Variants in TPP1 observed in about 807,000 individuals in gnomAD.
The protein encoded by TPP1 is tripeptidyl-peptidase 1.
Under a neutral mutation model 67.6 loss-of-function variants are expected in TPP1, and 43 were observed. That is an observed-to-expected ratio of 0.64 (90% confidence interval 0.50 to 0.82). TPP1 has a LOEUF of 0.82. Among genes scored for constraint, TPP1 ranks in the 40% least tolerant of loss-of-function variants. TPP1 has a pLI of 0.00. For synonymous variants in TPP1, 272 were observed against 281.5 expected, an observed-to-expected ratio of 0.97 and a Z score of 0.34; for missense variants, 671 against 710.9, an observed-to-expected ratio of 0.94 and a Z score of 0.64.
chr11:6,616,549 G>A (rs778085068), intron 7 of TPP1, 46 bp from the exon 8 acceptor site: 2 of 1,585,070 alleles, frequency 1.3e-6, no homozygotes, highest in South Asian at 1.1e-5. Flanking sequence ...CACAAAGATA[G>A]TCACTGGGGG....
At position 6,616,447 on chromosome 11, in the gene TPP1, A is replaced by C; in HGVS notation, c.943T>G (p.Ser315Ala). Residue 315 changes from serine to alanine, a missense_variant, in exon 8 of 13, where the codon TCA (serine) becomes GCA (alanine). Ser to Ala is a moderately conservative substitution (Grantham distance 99, BLOSUM62 1). Coordinates refer to ENST00000299427, the MANE Select transcript of TPP1 (RefSeq NM_000391.4). Reference sequence around the variant, plus strand: ...ACAGTATGCACATGTGGCAGGGCTGACTCATTACTGAGCAGCATGAGCCAC... The same window carrying C: ...ACAGTATGCACATGTGGCAGGGCTGCCTCATTACTGAGCAGCATGAGCCAC... The part of the protein sequence containing the change: ...LQWLMLLSNE[S>A]ALPHVHTVSY... 2 of 1,611,784 alleles carry C rather than the reference A, an allele frequency of 1.2e-6. No individual in the cohort carries two copies. Among genetic ancestry groups the C allele is most frequent in the Non-Finnish European group, 8.5e-7 (1 of 1,179,820 alleles).
chr11:6,616,161 A>C, intron 8 of TPP1, 87 bp from the exon 9 acceptor site: 1 of 1,586,828 alleles, frequency 6.3e-7, no homozygotes, highest in Non-Finnish European at 8.6e-7. Flanking sequence ...TTGTTACTGT[A>C]GGAGGTCAGA....
In TPP1 at chr11:6,615,294, G is replaced by A. The variant is rs1176517419; in HGVS notation, c.1302C>T (p.Pro434=). 8.7e-6 allele frequency: 14 copies of A among 1,614,058 alleles called. No individual in the cohort carries two copies. Among genetic ancestry groups the A allele is most frequent in the Non-Finnish European group, 1.2e-5 (14 of 1,180,036 alleles). ...EAVTKFLSSS[P]HLPPSSYFNA... ...TGAAGTAACTGGATGGTGGCAGGTG[G>A]GGGCTAGAGCTCAGGAACTTCGTTA... The change falls in exon 11 of 13, where the codon CCC becomes CCT. Residue 434 remains proline, a synonymous_variant. Transcript: ENST00000299427.
Position 6,617,484 on chromosome 11 carries a change from T to G in TPP1, c.381-56A>C. ...TCAAAACGGAACAGAAGAAGCTACC[T>G]CTGAGCATCCCTGGGCAGTCAGTCA... On this transcript the variant is annotated intron_variant, in intron 4 of 12. Coordinates refer to ENST00000299427, the MANE Select transcript of TPP1 (RefSeq NM_000391.4). The G allele has an allele frequency of 1.9e-6, 3 of 1,613,790 alleles. No individual in the cohort carries two copies. The South Asian group carries it at 3.3e-5, about 18-fold the overall frequency.
At chr11:6,619,083 A>G in intron 2 of TPP1, 113 bp downstream of exon 2, 1 of 1,475,424 alleles carries the variant, frequency 6.8e-7, no homozygotes, top group Non-Finnish European at 9.4e-7. Flanking sequence ...ATAGAGATGA[A>G]GCTATGGAGT....
chr11:6,617,466 G>T, intron 4 of TPP1, 38 bp from the exon 5 acceptor site: 1 of 1,614,014 alleles, frequency 6.2e-7, no homozygotes, highest in Non-Finnish European at 8.5e-7. Flanking sequence ...AGCTCAAAAC[G>T]GAACAGAAGA....
chr11:6,619,023 A>T, intron 2 of TPP1, 108 bp from the exon 3 acceptor site: 1 of 1,533,470 alleles, frequency 6.5e-7, no homozygotes, highest in South Asian at 1.1e-5. Context: ...GGATCCTAGG[A>T]GCAGATACAG....
rs1053573712 is a variant in TPP1 at position 6,613,783 on chromosome 11, A to G, written c.*763T>C. On this transcript the variant is annotated 3_prime_UTR_variant, in exon 13 of 13. Transcript: ENST00000299427. ...AAAAGCATAGCATCATTTACCAAGA[A>G]GAAACGAGATGGAATTGTTTGGGGT... The G allele has an allele frequency of 8.5e-5, 13 of 152,766 alleles. No homozygotes were observed. The highest frequency in any genetic ancestry group is 3.1e-4 in the African/African-American group (13 of 41,466). The allele number at this position is 152,766 out of a possible 1,614,324, so 9.5% of individuals were successfully genotyped here.
intron 2 of TPP1, 64 bp from the exon 3 acceptor site, chr11:6,618,979 G>A (rs187203863): frequency 6.2e-7 from 1 of 1,602,888 alleles, no homozygotes; most frequent in Non-Finnish European, 8.5e-7. Context: ...ATTGGTCATG[G>A]AAGGTTCCAG....
Position 6,616,825 on chromosome 11 carries a change from G to T in TPP1, c.722C>A (p.Ala241Asp). ...GCCACCGAAGAGGCGCATGAACTGA[G>T]CCAGGTCTGAGTCATGGAAATACTG... ...LEQYFHDSDL[A>D]QFMRLFGGNF... Residue 241 changes from alanine to aspartate, a missense_variant, in exon 7 of 13, where the codon GCT becomes GAT. Transcript: ENST00000299427. 1 of 1,613,842 alleles carries T rather than the reference G, an allele frequency of 6.2e-7. No homozygotes were observed. Among genetic ancestry groups the T allele is most frequent in the Non-Finnish European group, 8.5e-7 (1 of 1,180,012 alleles).
rs886250996 is a variant in TPP1 at position 6,617,728 on chromosome 11, G to T, written c.278C>A (p.Pro93Gln). 1 of 1,614,226 alleles carries T rather than the reference G, an allele frequency of 6.2e-7. No individual in the cohort carries two copies. The highest frequency in any genetic ancestry group is 1.3e-5 in the African/African-American group (1 of 75,064). The part of the protein sequence containing the change: ...ENVADLVRPS[P>Q]LTLHTVQKWL... ...TTTTTGCACCGTGTGGAGGGTCAGT[G>T]GGGATGGCCTCACCAGATCAGCCAC... Residue 93 changes from proline (P) to glutamine (Q), a missense_variant, in exon 4 of 13, where the codon CCA becomes CAA. Pro to Gln is a moderately conservative substitution (Grantham distance 76, BLOSUM62 -1). Transcript: ENST00000299427.
chr11:6,613,788 C>T lies in TPP1; in HGVS notation c.*758G>A, dbSNP rs891894253. ...CATAGCATCATTTACCAAGAAGAAA[C>T]GAGATGGAATTGTTTGGGGTTGGGA... On this transcript the variant is annotated 3_prime_UTR_variant, in exon 13 of 13. Transcript: ENST00000299427. The T allele has an allele frequency of 1.3e-5, 2 of 152,554 alleles. No individual in the cohort carries two copies. Among genetic ancestry groups the T allele is most frequent in the African/African-American group, 2.4e-5 (1 of 41,372 alleles). 9.5% of individuals were successfully genotyped at this position (152,554 alleles called of 1,614,324 possible).
At position 6,614,958 on chromosome 11, in the gene TPP1, A is replaced by T; in HGVS notation, c.1459T>A (p.Leu487Met). 6.2e-7 allele frequency: 1 copy of T among 1,614,164 alleles called. No individual in the cohort carries two copies. Among genetic ancestry groups the T allele is most frequent in the East Asian group, 2.2e-5 (1 of 44,876 alleles). ...STPVFGGILS[L>M]INEHRILSGR... The stretch of plus-strand genomic sequence containing the variant: ...CTAAGGATCCTGTGCTCATTGATCA[A>T]GGATAGGATCCCCCCAAACACTGGA... Residue 487 changes from leucine (L) to methionine (M), a missense_variant, in exon 12 of 13, where the codon TTG becomes ATG. Physicochemically the swap from Leu to Met is conservative, Grantham distance 15 (BLOSUM62 2). Transcript: ENST00000299427.
chr11:6,616,243 G>C, intron 8 of TPP1, 72 bp downstream of exon 8: 1 of 1,605,936 alleles, frequency 6.2e-7, no homozygotes, highest in Non-Finnish European at 8.5e-7. Flanking sequence ...CCAGGCTCAG[G>C]GATCACTGTG....
chr11:6,619,139 C>T, intron 2 of TPP1, 57 bp downstream of exon 2: 1 of 1,599,140 alleles, frequency 6.3e-7, no homozygotes, highest in Admixed American at 1.7e-5. Context: ...AGGACCAGGA[C>T]AGTGGGAGGC....
Position 6,614,708 on chromosome 11 carries a change from G to C in TPP1, c.1552-22C>G, listed in dbSNP as rs376263751. ...TTACCTAGGGAGGAGGCTGGCATCA[G>C]ATCTGGGCCTACTAGTACCAGTACT... On this transcript the variant is annotated intron_variant, in intron 12 of 12. Coordinates refer to ENST00000299427, the MANE Select transcript of TPP1 (RefSeq NM_000391.4). The C allele has an allele frequency of 1.7e-5, 28 of 1,614,010 alleles. No homozygotes were observed. In the African/African-American group the frequency reaches 2.5e-4, roughly 15 times the overall value.
At chr11:6,618,342 A>G (rs546276945) in intron 3 of TPP1, 10 of 362,524 alleles carry the variant, frequency 2.8e-5, no homozygotes, top group Non-Finnish European at 3.6e-5. Context: ...AGAGTGGGGG[A>G]GTACAGTGAG....
chr11:6,619,341 C>G, intron 1 of TPP1, 43 bp downstream of exon 1: 1 of 1,614,196 alleles, frequency 6.2e-7, no homozygotes, highest in Non-Finnish European at 8.5e-7. Context: ...TGTGTGCTCC[C>G]TCCAACGTGA....
At position 6,618,037 on chromosome 11, in the gene TPP1, A is replaced by G; in HGVS notation, c.230-261T>C. 5.5e-6 allele frequency: 3 copies of G among 547,480 alleles called. No individual in the cohort carries two copies. The South Asian group carries it at 6.1e-5, about 11-fold the overall frequency. The allele number at this position is 547,480 out of a possible 1,614,324, so 33.9% of individuals were successfully genotyped here. A position where few individuals can be genotyped will look rare whatever the true frequency, so the allele number is the denominator to read the frequency against. ...CACCACAGCATGTATTGCCATGATC[A>G]TGAAAATGAATGAGGTTAATACATA... On this transcript the variant is annotated intron_variant, in intron 3 of 12. Coordinates refer to ENST00000299427, the MANE Select transcript of TPP1 (RefSeq NM_000391.4).
Sources: gnomAD v4.1 joint callset for allele counts on GRCh38, gnomAD v4.1.1 for gene constraint, MANE v1.5 for transcripts, NCBI Gene and HGNC (gene_info 2026-07-23, HGNC 2026-07-21) for gene names.